PREX1: variants seen among roughly 807,000 people sequenced by gnomAD.
PREX1 encodes the protein phosphatidylinositol 3,4,5-trisphosphate-dependent Rac exchanger 1 protein.
A neutral mutation model predicts 198.3 loss-of-function variants in PREX1; 41 were observed. The observed-to-expected ratio is 0.21, with a 90% CI of 0.16 to 0.27. The LOEUF is 0.27. Among genes scored for constraint, PREX1 ranks in the 10% least tolerant of loss-of-function variants. PREX1 has a pLI of 1.00. For missense variants in PREX1, 1,620 were observed against 2,200.7 expected, an observed-to-expected ratio of 0.74 and a Z score of 5.28; for synonymous variants, 843 against 887.2, an observed-to-expected ratio of 0.95 and a Z score of 0.89.
chr20:48,668,040 C>T (rs377670974), intron 14 of PREX1, among the ~76,000 whole-genome samples: 3 of 152,320 alleles, frequency 2.0e-5, no homozygotes, highest in East Asian at 1.9e-4. Flanking sequence ...TGCCCCACCT[C>T]CCTTCAGTGA....
intron 26 of PREX1, among the ~76,000 whole-genome samples, 176 bp downstream of exon 26, chr20:48,645,675 G>A (rs935369664): frequency 2.6e-5 from 4 of 152,142 alleles, no homozygotes; most frequent in Non-Finnish European, 4.4e-5. Context: ...GCCTAAGTGG[G>A]TCTTCCAGGC....
chr20:48,861,051 C>G, the PREX1 span, among the ~76,000 whole-genome samples: 1 of 152,140 alleles, frequency 6.6e-6, no homozygotes, highest in African/African-American at 2.4e-5. Flanking sequence ...AGAGATCTCA[C>G]TTTCTGACGG....
At chr20:48,770,629 A>G (rs1014607091) in intron 1 of PREX1, among the ~76,000 whole-genome samples, 2 of 152,116 alleles carry the variant, frequency 1.3e-5, no homozygotes, top group African/African-American at 2.4e-5. Flanking sequence ...AGAATCACTT[A>G]AACCTGGGAT....
chr20:48,830,838 A>G (rs368651173), upstream of PREX1, among the ~76,000 whole-genome samples: 5 of 152,356 alleles, frequency 3.3e-5, no homozygotes, highest in East Asian at 7.7e-4. Flanking sequence ...GAGTGCATAC[A>G]TGGAGGGTGC....
intron 33 of PREX1, among the ~76,000 whole-genome samples, chr20:48,633,898 T>G (rs1237296503): frequency 6.6e-6 from 1 of 152,244 alleles, no homozygotes; most frequent in African/African-American, 2.4e-5. Context: ...AGGACCATGT[T>G]ACATGGCCCA....
At position 48,625,080 on chromosome 20, in the gene PREX1, A is replaced by G. The variant is rs2598; in HGVS notation, c.*805T>C. Reference sequence around the variant, plus strand: ...GTGCTCTTTTTTTTTTAGTAGAAGCAGGAACAGTTGTCAATACTACCTTCT... The same window carrying G: ...GTGCTCTTTTTTTTTTAGTAGAAGCGGGAACAGTTGTCAATACTACCTTCT... On this transcript the variant is annotated 3_prime_UTR_variant, in exon 40 of 40. Transcript: ENST00000371941. 87,774 of 152,388 alleles carry G rather than the reference A, an allele frequency of 0.58. 27,192 individuals carry two copies. Among genetic ancestry groups the G allele is most frequent in the African/African-American group, 0.82 (33,964 of 41,440 alleles). 9.4% of individuals were successfully genotyped at this position (152,388 alleles called of 1,614,324 possible).
intron 18 of PREX1, among the ~76,000 whole-genome samples, chr20:48,655,663 T>C (rs1027993003): frequency 6.6e-6 from 1 of 151,872 alleles, no homozygotes; most frequent in African/African-American, 2.4e-5. Flanking sequence ...CCTCCATCAT[T>C]CTCCTGTCCT....
At chr20:48,750,363 T>C (rs927897732) in intron 1 of PREX1, among the ~76,000 whole-genome samples, 1 of 152,206 alleles carries the variant, frequency 6.6e-6, no homozygotes, top group African/African-American at 2.4e-5. Context: ...GTACAGGAGA[T>C]CAGTCAATCC....
intron 9 of PREX1, among the ~76,000 whole-genome samples, chr20:48,689,501 G>A (rs544428839): frequency 3.3e-5 from 5 of 152,072 alleles, no homozygotes; most frequent in Non-Finnish European, 5.9e-5. Context: ...ATTCGTGCTC[G>A]TGACCACCCC....
chr20:48,798,364 C>G (rs2090372060), intron 1 of PREX1, among the ~76,000 whole-genome samples: 1 of 152,214 alleles, frequency 6.6e-6, no homozygotes, highest in Non-Finnish European at 1.5e-5. Flanking sequence ...TACGGTCCAG[C>G]CTCCATACCC....
intron 1 of PREX1, among the ~76,000 whole-genome samples, chr20:48,784,715 G>A (rs1415880749): frequency 6.6e-6 from 1 of 152,204 alleles, no homozygotes; most frequent in African/African-American, 2.4e-5. Context: ...GTGGGCGACT[G>A]GGCATGAAAC....
chr20:48,774,468 C>A (rs1198803311), intron 1 of PREX1, among the ~76,000 whole-genome samples: 5 of 152,344 alleles, frequency 3.3e-5, no homozygotes. Flanking sequence ...GGGTTCAGAG[C>A]TCTGGGGTCA....
intron 32 of PREX1, among the ~76,000 whole-genome samples, chr20:48,635,097 A>G (rs1198731768): frequency 6.6e-6 from 1 of 152,064 alleles, no homozygotes; most frequent in Non-Finnish European, 1.5e-5. Flanking sequence ...AAAGTCCCCA[A>G]TTCCTTCCTC....
intron 39 of PREX1, among the ~76,000 whole-genome samples, chr20:48,627,065 G>A (rs936610491): frequency 2.6e-5 from 4 of 152,206 alleles, no homozygotes; most frequent in African/African-American, 7.2e-5. Flanking sequence ...TCGCAGGCCT[G>A]GGCCCAGGCT....
intron 3 of PREX1, among the ~76,000 whole-genome samples, chr20:48,736,495 G>A (rs755434716): frequency 1.3e-5 from 2 of 152,200 alleles, no homozygotes; most frequent in African/African-American, 2.4e-5. Context: ...CACATGGCAA[G>A]GAAGGAGAAG....
rs2090513951 is a variant in PREX1, at chr20:48,827,362, G to C, written c.219+280C>G. Among the ~76,000 whole-genome samples, 1 of 152,218 alleles carries C rather than the reference G, an allele frequency of 6.6e-6. No individual in the cohort carries two copies. The highest frequency in any genetic ancestry group is 1.5e-5 in the Non-Finnish European group (1 of 68,028). On this transcript the variant is annotated intron_variant, in intron 1 of 39. Coordinates refer to ENST00000371941, the MANE Select transcript of PREX1 (RefSeq NM_020820.4). The surrounding 1 kb of genome is among the most constrained non-coding windows in gnomAD (Gnocchi z 4.1). ...GATGTAACTAATTTTAAAACTATTT[G>C]AAAGGCGGGGACGGGGAAGAAAAGA...
chr20:48,672,792 C>T (rs975346094), intron 14 of PREX1, among the ~76,000 whole-genome samples: 4 of 152,234 alleles, frequency 2.6e-5, no homozygotes, highest in African/African-American at 9.6e-5. Flanking sequence ...CTGCACCACC[C>T]CGCCCATGTG....
rs147566079 is a variant in PREX1 at position 48,658,552 on chromosome 20, G to A, written c.1882-324C>T. ...AACAGGTCTGGGGGTTCCCCAGTGC[G>A]GGGGATACAGGGAAAGGCACTCATT... On this transcript the variant is annotated intron_variant, in intron 16 of 39. Coordinates refer to ENST00000371941, the MANE Select transcript of PREX1 (RefSeq NM_020820.4). Among the ~76,000 whole-genome samples, 34 of 152,310 alleles carry A rather than the reference G, an allele frequency of 2.2e-4. No individual in the cohort carries two copies. In the East Asian group the frequency reaches 3.7e-3, roughly 16 times the overall value.
At chr20:48,661,444 AAT>A (rs1159107194) in intron 15 of PREX1, among the ~76,000 whole-genome samples, 1,615 of 49,500 alleles carry the variant, frequency 0.033, 66 homozygotes, top group Non-Finnish European at 0.037. Context: ...AAAAAAAAAA[AAT>A]ATATATATAT....
Sources: allele counts gnomAD v4.1 joint callset (sites outside exome capture counted in the v4.1 genomes callset), GRCh38; gene constraint gnomAD v4.1.1; non-coding constraint Gnocchi (gnomAD v3.1); transcripts MANE v1.5; gene names NCBI Gene and HGNC (gene_info 2026-07-23, HGNC 2026-07-21).